The following RGS6 variants were observed in gnomAD, a reference collection of about 807,000 sequenced individuals.
RGS6 encodes regulator of G-protein signaling 6.
In RGS6, 30 loss-of-function variants were observed where a neutral mutation model predicts 78.5. The observed-to-expected ratio is 0.38, with a 90% CI of 0.29 to 0.52. The LOEUF (loss-of-function observed/expected upper bound fraction) is 0.52, where lower values mean the gene tolerates loss of function less well. Among genes scored for constraint, RGS6 ranks in the 20% least tolerant of loss-of-function variants. The pLI is 0.85. For synonymous variants in RGS6, 206 were observed against 206.0 expected (o/e 1.00, Z 0.00); for missense variants, 495 against 609.7 (o/e 0.81, Z 1.98).
chr14:72,252,994 T>A (rs1434959234), intron 2 of RGS6, among the ~76,000 whole-genome samples: 1 of 152,234 alleles, frequency 6.6e-6, no homozygotes, highest in Non-Finnish European at 1.5e-5. Flanking sequence ...CCACTCAAAC[T>A]GCTCAGGAAG....
chr14:72,140,858 A>G (rs2096529535), intron 2 of RGS6, among the ~76,000 whole-genome samples: 1 of 152,210 alleles, frequency 6.6e-6, no homozygotes, highest in Admixed American at 6.5e-5. Context: ...GGGTCCTTGC[A>G]ATGGGCTGCT....
chr14:72,589,855 G>A, the RGS6 span, among the ~76,000 whole-genome samples: 1 of 152,188 alleles, frequency 6.6e-6, no homozygotes, highest in African/African-American at 2.4e-5. Context: ...TTACCATGCA[G>A]TATTGGATGG....
chr14:72,458,494 C>G (rs1385590801), intron 5 of RGS6, 117 bp downstream of exon 5: 1 of 749,200 alleles, frequency 1.3e-6, no homozygotes, highest in Non-Finnish European at 2.2e-6. Flanking sequence ...CACTCCTCAT[C>G]AGCACTGGGA....
chr14:72,417,305 C>G (rs971560467), intron 3 of RGS6, among the ~76,000 whole-genome samples: 1 of 152,214 alleles, frequency 6.6e-6, no homozygotes, highest in Admixed American at 6.5e-5. Context: ...GCCCCCCCAC[C>G]AAGTCAGCCT....
chr14:72,090,233 G>A (rs1387219558), intron 2 of RGS6, among the ~76,000 whole-genome samples: 2 of 151,940 alleles, frequency 1.3e-5, no homozygotes, highest in Non-Finnish European at 2.9e-5. Flanking sequence ...GACAAAGTTA[G>A]TAATTTGTTT....
chr14:72,268,239 C>G (rs2239258), intron 2 of RGS6, among the ~76,000 whole-genome samples: 86,205 of 152,072 alleles, frequency 0.57, 24,849 homozygotes, highest in African/African-American at 0.65. Flanking sequence ...CCTCATGAGG[C>G]CCTCTTTCGT....
the RGS6 span, among the ~76,000 whole-genome samples, chr14:72,581,014 AG>A: frequency 6.6e-6 from 1 of 152,170 alleles, no homozygotes; most frequent in South Asian, 2.1e-4. Context: ...TCTGCACCCC[AG>A]GGTTTGCAGT....
chr14:72,526,991 G>A (rs960437880), intron 15 of RGS6, among the ~76,000 whole-genome samples: 1 of 152,196 alleles, frequency 6.6e-6, no homozygotes, highest in Admixed American at 6.5e-5. Context: ...TGAGACTCAA[G>A]GATACAGACT....
chr14:72,224,991 G>T (rs1008267261), intron 2 of RGS6, among the ~76,000 whole-genome samples: 21 of 152,090 alleles, frequency 1.4e-4, no homozygotes, highest in African/African-American at 5.1e-4. Flanking sequence ...AAAAATATTT[G>T]TTTTCCTACA....
intron 1 of RGS6, among the ~76,000 whole-genome samples, chr14:71,953,535 T>C (rs1461465013): frequency 1.3e-5 from 2 of 152,142 alleles, no homozygotes; most frequent in African/African-American, 4.8e-5. Flanking sequence ...AAAGAGATCA[T>C]ATAAAAAGAG....
At chr14:72,540,188 T>C (rs2097305101) in intron 17 of RGS6, 94 bp downstream of exon 17, 1 of 1,520,980 alleles carries the variant, frequency 6.6e-7, no homozygotes, top group Non-Finnish European at 8.9e-7. Flanking sequence ...GGTTGTTGTT[T>C]CCTTTGGGGT....
chr14:72,115,872 A>G (rs1597829812), intron 2 of RGS6, among the ~76,000 whole-genome samples: 2 of 152,280 alleles, frequency 1.3e-5, no homozygotes, highest in Admixed American at 1.3e-4. Flanking sequence ...TGTGTGGCCC[A>G]CTCAGACTGA....
intron 2 of RGS6, among the ~76,000 whole-genome samples, chr14:72,212,601 T>C (rs1388923579): frequency 1.3e-5 from 2 of 152,250 alleles, no homozygotes; most frequent in Admixed American, 6.5e-5. Context: ...GTATTCTTGC[T>C]TTCTGTGACA....
intron 2 of RGS6, among the ~76,000 whole-genome samples, chr14:72,120,970 A>G (rs1451501360): frequency 6.6e-6 from 1 of 152,164 alleles, no homozygotes; most frequent in Non-Finnish European, 1.5e-5. Context: ...ATAAAAGTTG[A>G]GTTTGAAGAT....
intron 7 of RGS6, among the ~76,000 whole-genome samples, chr14:72,468,177 G>A (rs952150447): frequency 6.6e-6 from 1 of 152,168 alleles, no homozygotes; most frequent in African/African-American, 2.4e-5. Context: ...TCAGGAGATC[G>A]AGACCATCCT....
In RGS6 at chr14:72,470,029, G is replaced by A; in HGVS notation, c.482G>A (p.Arg161Lys). Residue 161 changes from arginine to lysine, a missense_variant, in exon 8 of 18, where the codon AGG (arginine) becomes AAG (lysine). Coordinates refer to ENST00000553525, the MANE Select transcript of RGS6 (RefSeq NM_001204424.2). ...TAGGAAAACTTAGCAAGACTCCAGA[G>A]GGCCTTTGCGAGGAAGTGGGAATTC... ...YEAENLARLQ[R>K]AFARKWEFIF... 1 of 1,613,532 alleles carries A rather than the reference G, an allele frequency of 6.2e-7. No homozygotes were observed. Among genetic ancestry groups the A allele is most frequent in the South Asian group, 1.1e-5 (1 of 91,042 alleles).
intron 17 of RGS6, among the ~76,000 whole-genome samples, chr14:72,556,700 G>A (rs892265148): frequency 1.1e-4 from 15 of 141,586 alleles, no homozygotes; most frequent in Non-Finnish European, 2.0e-4. Flanking sequence ...CGGGGTGGGG[G>A]GTGCTGTTGC....
chr14:72,236,551 A>G (rs2051096581), intron 2 of RGS6, among the ~76,000 whole-genome samples: 1 of 152,274 alleles, frequency 6.6e-6, no homozygotes, highest in Non-Finnish European at 1.5e-5. Context: ...TTAATTAAAA[A>G]GTAAACTTTA....
chr14:72,192,049 C>T (rs1290934476), intron 2 of RGS6, among the ~76,000 whole-genome samples: 1 of 152,212 alleles, frequency 6.6e-6, no homozygotes, highest in Admixed American at 6.5e-5. Context: ...TTATTAACAC[C>T]AAACTCCTCC....
Sources: allele counts gnomAD v4.1 joint callset (sites outside exome capture counted in the v4.1 genomes callset), GRCh38; gene constraint gnomAD v4.1.1; transcripts MANE v1.5; gene names NCBI Gene and HGNC (gene_info 2026-07-23, HGNC 2026-07-21).